The following PRKCA variants were observed in gnomAD, a reference collection of about 807,000 sequenced individuals.
PRKCA encodes protein kinase C alpha.
In PRKCA, 27 loss-of-function variants were observed where a neutral mutation model predicts 87.0. That is an observed-to-expected ratio of 0.31 (90% confidence interval 0.23 to 0.43). The LOEUF (loss-of-function observed/expected upper bound fraction) is 0.43, where lower values mean the gene tolerates loss of function less well. PRKCA is among the 20% of genes least tolerant of loss of function. PRKCA has a pLI of 1.00. For missense variants in PRKCA, 518 were observed against 852.3 expected (o/e 0.61, Z 4.88); for synonymous variants, 329 against 311.1 (o/e 1.06, Z -0.61).
In PRKCA at chr17:66,735,398, G is replaced by C; in HGVS notation, c.1057-91G>C. 4 of 1,350,896 alleles carry C rather than the reference G, an allele frequency of 3.0e-6. No homozygotes were observed. In the South Asian group the frequency reaches 4.8e-5, roughly 16 times the overall value. The allele number at this position is 1,350,896 out of a possible 1,614,324, so 83.7% of individuals were successfully genotyped here. On this transcript the variant is annotated intron_variant, in intron 9 of 16. Transcript: ENST00000413366. Reference sequence around the variant, plus strand: ...CCACATTGACAAAGGTGCACAAACTGTCACTGAGCCGTCACCTGGCCTGGT... The same window carrying C: ...CCACATTGACAAAGGTGCACAAACTCTCACTGAGCCGTCACCTGGCCTGGT...
chr17:66,606,170 A>G (rs530616241), intron 3 of PRKCA, among the ~76,000 whole-genome samples: 8 of 152,230 alleles, frequency 5.3e-5, no homozygotes, highest in African/African-American at 1.9e-4. Flanking sequence ...TGGGCGGATC[A>G]CGAGGTCAGG....
At chr17:66,670,259 A>G (rs1358472824) in intron 5 of PRKCA, among the ~76,000 whole-genome samples, 3 of 152,256 alleles carry the variant, frequency 2.0e-5, no homozygotes, top group Non-Finnish European at 2.9e-5. Flanking sequence ...TCATATAAGG[A>G]TAAGCAGTAA....
In PRKCA at chr17:66,413,604, G is replaced by C. The variant is rs141895988; in HGVS notation, c.206-82597G>C. Among the ~76,000 whole-genome samples, 349 of 152,278 alleles carry C rather than the reference G, an allele frequency of 2.3e-3. 2 individuals carry two copies. The highest frequency in any genetic ancestry group is 7.8e-3 in the African/African-American group (325 of 41,568). ...CAAGTGTCGCCTCATTAGAACAAAA[G>C]AAGCTCCCATTACCCAACAGATTCC... On this transcript the variant is annotated intron_variant, in intron 2 of 16. Transcript: ENST00000413366.
rs192266019 is a variant in PRKCA at position 66,761,538 on chromosome 17, C to G, written c.1525-12449C>G. 1.4e-3 allele frequency among the ~76,000 whole-genome samples: 212 copies of G among 151,722 alleles called. 1 individual carries two copies. Among genetic ancestry groups the G allele is most frequent in the African/African-American group, 4.9e-3 (202 of 41,414 alleles). On this transcript the variant is annotated intron_variant, in intron 13 of 16. Coordinates refer to ENST00000413366, the MANE Select transcript of PRKCA (RefSeq NM_002737.3). ...GTGGCACGATCTTGGCTCACTGCAA[C>G]CTCTACCTCCCAGGTTCAAGCAATT...
chr17:66,646,699 T>C (rs913671871), intron 5 of PRKCA, among the ~76,000 whole-genome samples: 13 of 152,336 alleles, frequency 8.5e-5, no homozygotes, highest in African/African-American at 2.9e-4. Flanking sequence ...AAAGCTTACC[T>C]TTGGAAACAT....
rs150062735 is a variant in PRKCA, at chr17:66,392,886, A to G, written c.205+86759A>G. Among the ~76,000 whole-genome samples the G allele has an allele frequency of 3.0e-4, 46 of 152,288 alleles. No individual in the cohort carries two copies. The East Asian group carries it at 4.6e-3, about 15-fold the overall frequency. On this transcript the variant is annotated intron_variant, in intron 2 of 16. Coordinates refer to ENST00000413366, the MANE Select transcript of PRKCA (RefSeq NM_002737.3). ...TTAAAAATGTGTCCTTGAAGCTGAA[A>G]GGCCACCTCTGAGGCACTCTGGGGA...
At chr17:66,573,235 T>G (rs1969130272) in intron 3 of PRKCA, among the ~76,000 whole-genome samples, 2 of 152,184 alleles carry the variant, frequency 1.3e-5, no homozygotes, top group Non-Finnish European at 2.9e-5. Flanking sequence ...GACCTTGTAA[T>G]GAGCAGCTAA....
At chr17:66,652,506 A>G (rs934413139) in intron 5 of PRKCA, among the ~76,000 whole-genome samples, 1 of 152,164 alleles carries the variant, frequency 6.6e-6, no homozygotes. Context: ...CCTAATGTCT[A>G]CAACCTACTT....
At chr17:66,546,198 G>T (rs192207526) in intron 3 of PRKCA, among the ~76,000 whole-genome samples, 110 of 152,210 alleles carry the variant, frequency 7.2e-4, no homozygotes, top group African/African-American at 2.6e-3. Context: ...TACATTTAAT[G>T]ACCACTATCC....
At chr17:66,335,805 G>A (rs905510779) in intron 2 of PRKCA, among the ~76,000 whole-genome samples, 4 of 151,984 alleles carry the variant, frequency 2.6e-5, no homozygotes, top group Non-Finnish European at 5.9e-5. Context: ...GAATAACCTC[G>A]TTTATCAGGT....
chr17:66,411,336 A>G (rs1911791898), intron 2 of PRKCA, among the ~76,000 whole-genome samples: 1 of 151,316 alleles, frequency 6.6e-6, no homozygotes, highest in South Asian at 2.1e-4. Flanking sequence ...TGCTGGGATT[A>G]CAGGCATGAG....
chr17:66,733,014 G>C (rs910579875), intron 9 of PRKCA, among the ~76,000 whole-genome samples, 189 bp downstream of exon 9: 1 of 152,100 alleles, frequency 6.6e-6, no homozygotes, highest in Admixed American at 6.6e-5. Context: ...AGCTGGGCAT[G>C]GTGGTGGGCG....
At position 66,556,303 on chromosome 17, in the gene PRKCA, A is replaced by G. The variant is rs1968491835; in HGVS notation, c.288+60020A>G. Among the ~76,000 whole-genome samples the G allele has an allele frequency of 2.0e-5, 3 of 149,914 alleles. No homozygotes were observed. The South Asian group carries it at 6.3e-4, about 32-fold the overall frequency. ...TGAGTTAACCTCCTGTGCTCTGAGAATAATCTTTTCTTTCTTCTTCTTTTT... is the reference window on the plus strand; with the variant it reads ...TGAGTTAACCTCCTGTGCTCTGAGAGTAATCTTTTCTTTCTTCTTCTTTTT... On this transcript the variant is annotated intron_variant, in intron 3 of 16. Transcript: ENST00000413366.
chr17:66,337,481 T>G (rs1429673281), intron 2 of PRKCA, among the ~76,000 whole-genome samples: 2 of 152,100 alleles, frequency 1.3e-5, no homozygotes, highest in Non-Finnish European at 2.9e-5. Context: ...CCTCGACCTC[T>G]CAGGCTCAAG....
rs116704535 is a variant in PRKCA at position 66,713,004 on chromosome 17, G to A, written c.919-19684G>A. Among the ~76,000 whole-genome samples, 223 of 149,476 alleles carry A rather than the reference G, an allele frequency of 1.5e-3. 2 individuals carry two copies. Among genetic ancestry groups the A allele is most frequent in the African/African-American group, 5.1e-3 (208 of 40,424 alleles). ...ATGGAGGTGTCACTGTGCATTGCTG[G>A]TTTCCAAGAAGCCATTGCCAAGTTA... On this transcript the variant is annotated intron_variant, in intron 8 of 16. Transcript: ENST00000413366.
At chr17:66,628,877 A>T (rs1372863693) in intron 3 of PRKCA, among the ~76,000 whole-genome samples, 1 of 152,118 alleles carries the variant, frequency 6.6e-6, no homozygotes, top group Non-Finnish European at 1.5e-5. Context: ...AAATACAAAA[A>T]AATTAGCCAG....
Position 66,369,023 on chromosome 17 carries a change from C to T in PRKCA, c.205+62896C>T, listed in dbSNP as rs115582824. Among the ~76,000 whole-genome samples the T allele has an allele frequency of 2.2e-3, 336 of 152,296 alleles. 1 individual carries two copies. The highest frequency in any genetic ancestry group is 7.7e-3 in the African/African-American group (320 of 41,552). ...TCAAGCATCTCATTCTAGAATATTCCATCGGTCCTTTTCTGTCACCTTCTT... is the reference window on the plus strand; with the variant it reads ...TCAAGCATCTCATTCTAGAATATTCTATCGGTCCTTTTCTGTCACCTTCTT... On this transcript the variant is annotated intron_variant, in intron 2 of 16. Transcript: ENST00000413366.
At chr17:66,587,931 A>C (rs892728600) in intron 3 of PRKCA, among the ~76,000 whole-genome samples, 8 of 123,536 alleles carry the variant, frequency 6.5e-5, no homozygotes, top group Non-Finnish European at 9.8e-5. Flanking sequence ...ATATATATAT[A>C]TCCTGCAGTA....
At chr17:66,734,216 C>T (rs560508518) in intron 9 of PRKCA, among the ~76,000 whole-genome samples, 1 of 152,280 alleles carries the variant, frequency 6.6e-6, no homozygotes, top group Non-Finnish European at 1.5e-5. Flanking sequence ...AGCGAGTCCA[C>T]AGAATAAAGT....
Sources: gnomAD v4.1 joint callset for allele counts (sites outside exome capture counted in the v4.1 genomes callset) on GRCh38, gnomAD v4.1.1 for gene constraint, MANE v1.5 for transcripts, NCBI Gene and HGNC (gene_info 2026-07-23, HGNC 2026-07-21) for gene names.